The following ATRNL1 variants were observed in gnomAD, a reference collection of about 807,000 sequenced individuals.
ATRNL1 encodes the protein attractin-like protein 1.
Under a neutral mutation model 182.7 loss-of-function variants are expected in ATRNL1, and 95 were observed. That is an observed-to-expected ratio of 0.52 (90% CI 0.44 to 0.62). The LOEUF (loss-of-function observed/expected upper bound fraction) is 0.62, where lower values mean the gene tolerates loss of function less well. Ranked by LOEUF, ATRNL1 falls within the 20% of genes least tolerant of loss-of-function variation. The probability of loss-of-function intolerance (pLI) is 0.00; values close to 1 mark genes in which losing one functional copy is unlikely to be tolerated. For missense variants in ATRNL1, 1,471 were observed against 1,679.5 expected, an observed-to-expected ratio of 0.88 and a Z score of 2.17; for synonymous variants, 576 against 568.3, an observed-to-expected ratio of 1.01 and a Z score of -0.19.
At chr10:115,272,728 G>A (rs1554913578) in intron 13 of ATRNL1, among the ~76,000 whole-genome samples, 1 of 152,092 alleles carries the variant, frequency 6.6e-6, no homozygotes, top group Non-Finnish European at 1.5e-5. Context: ...GCCTTGCAAG[G>A]TATTACTACG....
intron 25 of ATRNL1, among the ~76,000 whole-genome samples, chr10:115,536,263 C>T (rs1442571530): frequency 6.6e-6 from 1 of 152,182 alleles, no homozygotes; most frequent in Non-Finnish European, 1.5e-5. Flanking sequence ...GTGGGCTCCA[C>T]CCAGTTCAAG....
chr10:115,498,534 TAATA>T (rs1438061861), intron 24 of ATRNL1, among the ~76,000 whole-genome samples: 1 of 152,052 alleles, frequency 6.6e-6, no homozygotes, highest in Non-Finnish European at 1.5e-5. Context: ...GTGGGGTACC[TAATA>T]AATCACCTTT....
At chr10:115,323,416 TCCC>T (rs1564913744) in intron 18 of ATRNL1, among the ~76,000 whole-genome samples, 1,331 of 44,356 alleles carry the variant, frequency 0.03, 33 homozygotes, top group African/African-American at 0.091. Flanking sequence ...TCCCCTCCCC[TCCC>T]CTCCCCTCCC....
chr10:115,667,060 T>C (rs1861040682), intron 26 of ATRNL1, among the ~76,000 whole-genome samples: 1 of 152,118 alleles, frequency 6.6e-6, no homozygotes, highest in African/African-American at 2.4e-5. Context: ...ATTTTGGTAG[T>C]GTACCAGGTA....
At chr10:115,241,786 C>T in intron 10 of ATRNL1, 61 bp downstream of exon 10, 2 of 1,379,032 alleles carry the variant, frequency 1.5e-6, no homozygotes, top group Non-Finnish European at 2.0e-6. Context: ...TATAGATATT[C>T]TCAAATACAT....
At chr10:115,132,056 A>G (rs1304238493) in intron 5 of ATRNL1, among the ~76,000 whole-genome samples, 5 of 151,550 alleles carry the variant, frequency 3.3e-5, no homozygotes, top group African/African-American at 4.8e-5. Flanking sequence ...CATTAGGTGT[A>G]TCTCCTAATT....
At chr10:115,155,344 T>C (rs1204184474) in intron 5 of ATRNL1, among the ~76,000 whole-genome samples, 1 of 152,120 alleles carries the variant, frequency 6.6e-6, no homozygotes, top group Non-Finnish European at 1.5e-5. Flanking sequence ...TTATACTTAA[T>C]TTTTTTGTGT....
At chr10:115,631,522 C>A (rs574061177) in intron 26 of ATRNL1, among the ~76,000 whole-genome samples, 2 of 152,136 alleles carry the variant, frequency 1.3e-5, no homozygotes, top group Admixed American at 6.5e-5. Context: ...TCACATCAAT[C>A]CTCTTAGGAA....
intron 27 of ATRNL1, among the ~76,000 whole-genome samples, chr10:115,729,834 T>C (rs1555062097): frequency 6.6e-6 from 1 of 152,122 alleles, no homozygotes; most frequent in Non-Finnish European, 1.5e-5. Context: ...ATGTACTTCT[T>C]TCTTTATTAT....
chr10:115,201,939 T>C (rs1848598320), intron 8 of ATRNL1, among the ~76,000 whole-genome samples: 1 of 152,128 alleles, frequency 6.6e-6, no homozygotes, highest in Non-Finnish European at 1.5e-5. Flanking sequence ...CTTGAAGAGG[T>C]CCTTCACATC....
intron 15 of ATRNL1, among the ~76,000 whole-genome samples, chr10:115,298,233 T>A (rs1853303367): frequency 6.6e-6 from 1 of 152,198 alleles, no homozygotes; most frequent in Non-Finnish European, 1.5e-5. Context: ...AGAGATATCT[T>A]GGGTCAAATG....
chr10:115,123,667 C>T (rs1554872438), intron 3 of ATRNL1, among the ~76,000 whole-genome samples: 2 of 152,106 alleles, frequency 1.3e-5, no homozygotes, highest in Admixed American at 6.5e-5. Context: ...CTCCTCTCCA[C>T]CCCAGATCCC....
intron 24 of ATRNL1, among the ~76,000 whole-genome samples, chr10:115,470,892 A>T (rs1490062515): frequency 6.6e-6 from 1 of 150,792 alleles, no homozygotes; most frequent in Non-Finnish European, 1.5e-5. Flanking sequence ...GTGTTTATTT[A>T]TAAGACTAGA....
chr10:115,376,712 TCTTA>T (rs1308115611), intron 19 of ATRNL1, among the ~76,000 whole-genome samples: 26 of 152,280 alleles, frequency 1.7e-4, no homozygotes, highest in African/African-American at 4.3e-4. Flanking sequence ...TTTGGATTCA[TCTTA>T]CTTGAGATTT....
chr10:115,145,124 G>C lies in ATRNL1; in HGVS notation c.830-14916G>C, dbSNP rs569500874. On this transcript the variant is annotated intron_variant, in intron 5 of 28. Transcript: ENST00000355044. ...ACAGTTACGATTATTCAAAAATCTG[G>C]TCTTTAAAATTTTTGAAGTTAGTCT... Among the ~76,000 whole-genome samples the C allele has an allele frequency of 1.2e-4, 19 of 152,100 alleles. No homozygotes were observed. In the South Asian group the frequency reaches 2.7e-3, roughly 22 times the overall value.
Position 115,286,438 on chromosome 10 carries a change from A to G in ATRNL1, c.2415+41A>G. 2.4e-6 allele frequency: 3 copies of G among 1,248,454 alleles called. No homozygotes were observed. In the East Asian group the frequency reaches 8.0e-5, roughly 33 times the overall value. 77.3% of individuals were successfully genotyped at this position (1,248,454 alleles called of 1,614,324 possible). A position where few individuals can be genotyped will look rare whatever the true frequency, so the allele number is the denominator to read the frequency against. ...GTTTACATTATGGAAATATGCTATGATAATTTCATAATTATTTGAAATTTT... is the reference window on the plus strand; with the variant it reads ...GTTTACATTATGGAAATATGCTATGGTAATTTCATAATTATTTGAAATTTT... On this transcript the variant is annotated intron_variant, in intron 15 of 28. Transcript: ENST00000355044.
intron 24 of ATRNL1, among the ~76,000 whole-genome samples, chr10:115,479,644 T>C (rs1554973776): frequency 2.0e-5 from 3 of 151,368 alleles, no homozygotes; most frequent in Non-Finnish European, 1.5e-5. Flanking sequence ...AATAATATAG[T>C]AATTAAACAG....
chr10:115,879,544 C>T (rs1565456750), intron 28 of ATRNL1, among the ~76,000 whole-genome samples: 1 of 151,454 alleles, frequency 6.6e-6, no homozygotes, highest in East Asian at 2.0e-4. Context: ...GTCTGTATAA[C>T]GGGGTAAAGG....
chr10:115,594,617 C>T (rs1183688937), intron 26 of ATRNL1, among the ~76,000 whole-genome samples: 2 of 152,196 alleles, frequency 1.3e-5, no homozygotes, highest in Non-Finnish European at 2.9e-5. Flanking sequence ...AGTGATTCTT[C>T]TGTATCAGCC....
Sources: allele counts gnomAD v4.1 joint callset (sites outside exome capture counted in the v4.1 genomes callset), GRCh38; gene constraint gnomAD v4.1.1; transcripts MANE v1.5; gene names NCBI Gene and HGNC (gene_info 2026-07-23, HGNC 2026-07-21).